Variants in ANP32B observed in about 807,000 individuals in gnomAD.
The protein encoded by ANP32B is acidic leucine-rich nuclear phosphoprotein 32 family member B.
In ANP32B, 6 loss-of-function variants were observed where a neutral mutation model predicts 32.2. That is an observed-to-expected ratio of 0.19 (90% CI 0.10 to 0.37). The LOEUF (loss-of-function observed/expected upper bound fraction) is 0.37, where lower values mean the gene tolerates loss of function less well. ANP32B is among the 10% of genes least tolerant of loss of function. The pLI is 1.00. For missense variants in ANP32B, 204 were observed against 289.2 expected, an observed-to-expected ratio of 0.71 and a Z score of 2.14; for synonymous variants, 98 against 105.8, an observed-to-expected ratio of 0.93 and a Z score of 0.45.
intron 1 of ANP32B, among the ~76,000 whole-genome samples, chr9:97,992,026 T>G (rs573891418): frequency 6.6e-6 from 1 of 152,266 alleles, no homozygotes; most frequent in South Asian, 2.1e-4. Context: ...TCTTACACAG[T>G]GATATAGTGG....
chr9:98,010,925 T>C lies in ANP32B; in HGVS notation c.518-346T>C, dbSNP rs1476581105. ...AATAGCAAAATGAACCCCCATGTTC[T>C]TATCACTCAGCTTCAGCAATTATTG... On this transcript the variant is annotated intron_variant, in intron 4 of 6. Coordinates refer to ENST00000339399, the MANE Select transcript of ANP32B (RefSeq NM_006401.3). Among the ~76,000 whole-genome samples the C allele has an allele frequency of 3.9e-5, 6 of 152,186 alleles. No homozygotes were observed. The East Asian group carries it at 1.2e-3, about 29-fold the overall frequency.
chr9:98,008,918 C>T (rs1445840622), intron 4 of ANP32B, among the ~76,000 whole-genome samples: 1 of 152,160 alleles, frequency 6.6e-6, no homozygotes, highest in East Asian at 1.9e-4. Flanking sequence ...CATTGTCTTC[C>T]ACAAAACTGG....
rs113649938 is a variant in ANP32B at position 98,012,570 on chromosome 9, C to T, written c.688+98C>T. On this transcript the variant is annotated intron_variant, in intron 6 of 6. Coordinates refer to ENST00000339399, the MANE Select transcript of ANP32B (RefSeq NM_006401.3). ...ATACCACTGAGAAGAAAATAAAATA[C>T]TCTTGGCTCTGGTGGTTTACACATT... 6.6e-6 allele frequency: 10 copies of T among 1,520,814 alleles called. No individual in the cohort carries two copies. In the African/African-American group the frequency reaches 1.4e-4, roughly 22 times the overall value. The allele number at this position is 1,520,814 out of a possible 1,614,324, so 94.2% of individuals were successfully genotyped here.
chr9:97,993,158 G>T (rs536480573), intron 1 of ANP32B, among the ~76,000 whole-genome samples: 2 of 152,336 alleles, frequency 1.3e-5, no homozygotes, highest in African/African-American at 4.8e-5. Flanking sequence ...TAAAAAGGAT[G>T]CCTGGCTTCT....
Position 97,998,549 on chromosome 9 carries a change from C to A in ANP32B, c.205-7C>A. On this transcript the variant is annotated splice_polypyrimidine_tract_variant and splice_region_variant and intron_variant, in intron 2 of 6. Transcript: ENST00000339399. ...TGTGTTTGTGTTGTGTCCATTTTCT[C>A]TTGCAGCTTGAACTCAGTGAAAATA... The A allele has an allele frequency of 6.2e-7, 1 of 1,600,790 alleles. No individual in the cohort carries two copies. Among genetic ancestry groups the A allele is most frequent in the Non-Finnish European group, 8.5e-7 (1 of 1,176,142 alleles).
At chr9:98,000,503 A>T (rs1827972302) in intron 3 of ANP32B, among the ~76,000 whole-genome samples, 1 of 152,208 alleles carries the variant, frequency 6.6e-6, no homozygotes, top group South Asian at 2.1e-4. Context: ...AAGGACATGA[A>T]CATTTGCCCA....
chr9:97,998,049 G>C (rs1827932503), intron 2 of ANP32B, among the ~76,000 whole-genome samples: 1 of 152,182 alleles, frequency 6.6e-6, no homozygotes, highest in South Asian at 2.1e-4. Context: ...TACTTGTAGG[G>C]CCCGTTCCTC....
chr9:97,992,961 C>T (rs755728755), intron 1 of ANP32B, among the ~76,000 whole-genome samples: 4 of 152,152 alleles, frequency 2.6e-5, no homozygotes, highest in Admixed American at 6.5e-5. Context: ...CGCACAAGGT[C>T]GCACAAGTTC....
At chr9:97,988,690 A>G (rs1827777033) in intron 1 of ANP32B, among the ~76,000 whole-genome samples, 1 of 152,130 alleles carries the variant, frequency 6.6e-6, no homozygotes, top group African/African-American at 2.4e-5. Flanking sequence ...ACACCACTTC[A>G]CTCCAGCATA....
At chr9:97,986,253 G>A (rs1587869905) in intron 1 of ANP32B, among the ~76,000 whole-genome samples, 2 of 152,258 alleles carry the variant, frequency 1.3e-5, no homozygotes, top group Non-Finnish European at 2.9e-5. Context: ...CAAGTGGCTC[G>A]TGGGTGCTGC....
intron 1 of ANP32B, among the ~76,000 whole-genome samples, chr9:97,983,990 G>C (rs933382784): frequency 4.0e-5 from 6 of 150,628 alleles, no homozygotes; most frequent in African/African-American, 1.5e-4. Flanking sequence ...GCGGAGGCCC[G>C]GCCTGCCGAG....
chr9:97,985,372 CGCGAGGGTGGGCCGCTCCGGGGGTT>C (rs895232073), intron 1 of ANP32B, among the ~76,000 whole-genome samples: 8 of 152,144 alleles, frequency 5.3e-5, no homozygotes, highest in African/African-American at 1.4e-4. Flanking sequence ...CCGGAGGGCC[CGCGAGGGTGGGCCGCTCCGGGGGTT>C]GCGAGATGGA....
At chr9:98,001,807 C>A (rs1827997080) in intron 3 of ANP32B, among the ~76,000 whole-genome samples, 1 of 152,030 alleles carries the variant, frequency 6.6e-6, no homozygotes, top group African/African-American at 2.4e-5. Flanking sequence ...TCTGCTATAC[C>A]CATACATTTA....
chr9:97,983,757 G>C, intron 1 of ANP32B, 148 bp downstream of exon 1: 1 of 552,310 alleles, frequency 1.8e-6, no homozygotes, highest in Non-Finnish European at 2.8e-6. Context: ...GGCGGGCGCG[G>C]AGGGGGGAGC....
intron 1 of ANP32B, among the ~76,000 whole-genome samples, chr9:97,994,056 G>A (rs897133370): frequency 9.2e-5 from 14 of 152,220 alleles, no homozygotes; most frequent in Non-Finnish European, 2.9e-5. Flanking sequence ...AATCCAGATT[G>A]ATCTTTGTTT....
chr9:98,003,578 G>C (rs1037077785), intron 3 of ANP32B, among the ~76,000 whole-genome samples: 1 of 152,100 alleles, frequency 6.6e-6, no homozygotes, highest in African/African-American at 2.4e-5. Flanking sequence ...GAGCCTTGAG[G>C]CAGATTTTCA....
chr9:98,002,721 G>A (rs910301663), intron 3 of ANP32B, among the ~76,000 whole-genome samples: 1 of 152,144 alleles, frequency 6.6e-6, no homozygotes, highest in African/African-American at 2.4e-5. Flanking sequence ...TCACATAATT[G>A]TACAGTTTCA....
chr9:97,996,706 G>C (rs1827911899), intron 2 of ANP32B, among the ~76,000 whole-genome samples: 1 of 151,966 alleles, frequency 6.6e-6, no homozygotes, highest in Non-Finnish European at 1.5e-5. Flanking sequence ...CGATTCTCCT[G>C]CCACAGCCTC....
intron 2 of ANP32B, among the ~76,000 whole-genome samples, chr9:97,998,288 G>T (rs1188426322): frequency 6.6e-6 from 1 of 152,214 alleles, no homozygotes; most frequent in Non-Finnish European, 1.5e-5. Context: ...CACTTTTTAA[G>T]TTAGAAAATT....
Sources: allele counts gnomAD v4.1 joint callset (sites outside exome capture counted in the v4.1 genomes callset), GRCh38; gene constraint gnomAD v4.1.1; transcripts MANE v1.5; gene names NCBI Gene and HGNC (gene_info 2026-07-23, HGNC 2026-07-21).